The following PTPRD variants were observed in gnomAD, a reference collection of about 807,000 sequenced individuals.
PTPRD encodes protein tyrosine phosphatase receptor type D.
PTPRD carries 34 observed loss-of-function variants against 214.5 expected under a neutral mutation model. The ratio of observed to expected loss-of-function variants is 0.16; its 90% confidence interval spans 0.12 to 0.21. The LOEUF (loss-of-function observed/expected upper bound fraction) is 0.21, where lower values mean the gene tolerates loss of function less well. Among genes scored for constraint, PTPRD ranks in the 10% least tolerant of loss-of-function variants. PTPRD has a pLI of 1.00. For missense variants in PTPRD, 2,545 were observed against 2,398.7 expected (o/e 1.06, Z -1.27); for synonymous variants, 1,128 against 845.7 (o/e 1.33, Z -5.79).
At chr9:9,797,745 G>GA (rs2099012664) in intron 5 of PTPRD, among the ~76,000 whole-genome samples, 2 of 152,202 alleles carry the variant, frequency 1.3e-5, no homozygotes, top group African/African-American at 4.8e-5. Context: ...ACTCGGGGGG[G>GA]GCTGAGGCAG....
intron 9 of PTPRD, among the ~76,000 whole-genome samples, chr9:9,388,806 TCAAA>T (rs1273244458): frequency 1.3e-5 from 2 of 152,310 alleles, no homozygotes; most frequent in East Asian, 1.9e-4. Context: ...AGATAATTTC[TCAAA>T]CACTCAGAAA....
At chr9:8,328,738 TTTCTC>T (rs755913277) in intron 44 of PTPRD, among the ~76,000 whole-genome samples, 9 of 152,124 alleles carry the variant, frequency 5.9e-5, no homozygotes, top group Non-Finnish European at 1.0e-4. Flanking sequence ...TTTTTACTCT[TTTCTC>T]TAATCTTGTC....
chr9:8,421,386 CTT>C (rs34183767), intron 35 of PTPRD, among the ~76,000 whole-genome samples: 2 of 132,496 alleles, frequency 1.5e-5, no homozygotes, highest in Non-Finnish European at 1.7e-5. Context: ...CTCTCTCTCT[CTT>C]TCTTTCTTTC....
chr9:8,325,190 G>A (rs1269168921), intron 44 of PTPRD, among the ~76,000 whole-genome samples: 2 of 149,982 alleles, frequency 1.3e-5, no homozygotes, highest in South Asian at 2.1e-4. Flanking sequence ...TGTCCTGAAT[G>A]GTATTGCCTA....
At chr9:8,927,619 T>G (rs1311406536) in intron 11 of PTPRD, among the ~76,000 whole-genome samples, 1 of 152,318 alleles carries the variant, frequency 6.6e-6, no homozygotes, top group South Asian at 2.1e-4. Flanking sequence ...GATGGGCACT[T>G]GGGTTGGTTC....
In PTPRD at chr9:10,563,082, G is replaced by C. The variant is rs144029776; in HGVS notation, c.-600+49316C>G. Among the ~76,000 whole-genome samples the C allele has an allele frequency of 1.8e-3, 270 of 152,216 alleles. 1 individual carries two copies. The highest frequency in any genetic ancestry group is 5.9e-3 in the African/African-American group (243 of 41,532). On this transcript the variant is annotated intron_variant, in intron 2 of 45. Transcript: ENST00000381196. ...ATGCCTATCCTTCAAATATTCCCTA[G>C]GGCATGATATCTGTGTAATTCCCCA...
intron 10 of PTPRD, among the ~76,000 whole-genome samples, chr9:9,065,523 A>G (rs2154404064): frequency 6.6e-6 from 1 of 152,324 alleles, no homozygotes; most frequent in South Asian, 2.1e-4. Context: ...GTAAACCATC[A>G]TAAAGGCATT....
At chr9:10,084,838 A>T (rs1485430593) in intron 3 of PTPRD, among the ~76,000 whole-genome samples, 2 of 151,902 alleles carry the variant, frequency 1.3e-5, no homozygotes, top group African/African-American at 4.8e-5. Context: ...GTTCCTATTT[A>T]GTTCAACACA....
intron 8 of PTPRD, among the ~76,000 whole-genome samples, chr9:9,466,314 A>T (rs191491294): frequency 1.3e-5 from 2 of 152,242 alleles, no homozygotes; most frequent in Admixed American, 1.3e-4. Flanking sequence ...GTCTCTAAAT[A>T]AGTAAGTAAA....
intron 5 of PTPRD, among the ~76,000 whole-genome samples, chr9:9,902,872 C>A (rs1601572381): frequency 6.6e-6 from 1 of 152,238 alleles, no homozygotes; most frequent in East Asian, 1.9e-4. Context: ...AAATTTTCAA[C>A]ACACAGCAAC....
chr9:8,380,443 C>G (rs1057237444), intron 37 of PTPRD, among the ~76,000 whole-genome samples: 1 of 152,146 alleles, frequency 6.6e-6, no homozygotes, highest in Non-Finnish European at 1.5e-5. Flanking sequence ...AGAAACATCA[C>G]CCAGTAACTT....
chr9:9,879,198 T>C (rs2067838062), intron 5 of PTPRD, among the ~76,000 whole-genome samples: 1 of 152,258 alleles, frequency 6.6e-6, no homozygotes, highest in South Asian at 2.1e-4. Context: ...TGCCCTTTTT[T>C]CTTTTGTTTA....
intron 7 of PTPRD, among the ~76,000 whole-genome samples, chr9:9,598,935 T>C (rs1801585033): frequency 6.6e-6 from 1 of 152,006 alleles, no homozygotes; most frequent in Admixed American, 6.6e-5. Flanking sequence ...TTTTAGCTCA[T>C]CATCACAGTT....
At chr9:9,860,847 G>A (rs1380077770) in intron 5 of PTPRD, among the ~76,000 whole-genome samples, 1 of 152,188 alleles carries the variant, frequency 6.6e-6, no homozygotes, top group Admixed American at 6.5e-5. Context: ...AAACAGAGAT[G>A]TTGGTTTTGT....
chr9:10,409,754 T>C (rs1307773319), intron 2 of PTPRD, among the ~76,000 whole-genome samples: 5 of 151,810 alleles, frequency 3.3e-5, no homozygotes, highest in African/African-American at 7.2e-5. Flanking sequence ...TGATGTTATA[T>C]TGCTTTCAAG....
At chr9:10,005,873 T>C (rs1386523505) in intron 4 of PTPRD, among the ~76,000 whole-genome samples, 2 of 151,992 alleles carry the variant, frequency 1.3e-5, no homozygotes, top group Non-Finnish European at 2.9e-5. Context: ...TGTACTAAAA[T>C]ATACAAAATT....
intron 11 of PTPRD, chr9:8,861,696 C>G (rs2098110182): frequency 6.6e-6 from 1 of 152,222 alleles, no homozygotes; most frequent in African/African-American, 2.4e-5. Flanking sequence ...AAATTATTGA[C>G]CAAGGTATGG....
chr9:9,544,404 G>A (rs888203651), intron 8 of PTPRD, among the ~76,000 whole-genome samples: 1 of 151,474 alleles, frequency 6.6e-6, no homozygotes, highest in Non-Finnish European at 1.5e-5. Context: ...ACTTCATTTT[G>A]ATTTTTTAGG....
At chr9:9,547,503 T>A (rs554970887) in intron 8 of PTPRD, among the ~76,000 whole-genome samples, 3 of 152,024 alleles carry the variant, frequency 2.0e-5, no homozygotes, top group Admixed American at 6.6e-5. Context: ...AAAACATCGA[T>A]AATAATAGGG....
Sources: gnomAD v4.1 joint callset for allele counts (sites outside exome capture counted in the v4.1 genomes callset) on GRCh38, gnomAD v4.1.1 for gene constraint, MANE v1.5 for transcripts, NCBI Gene and HGNC (gene_info 2026-07-23, HGNC 2026-07-21) for gene names.